The following DPH6 variants were observed in gnomAD, a reference collection of about 807,000 sequenced individuals.
DPH6 encodes the protein diphthamine biosynthesis 6, also known as diphthine--ammonia ligase.
A neutral mutation model predicts 38.2 loss-of-function variants in DPH6; 33 were observed. The observed-to-expected ratio is 0.86, with a 90% CI of 0.65 to 1.15. The LOEUF (loss-of-function observed/expected upper bound fraction) is 1.15, where lower values mean the gene tolerates loss of function less well. Among genes scored for constraint, DPH6 ranks in the 50% most tolerant of loss-of-function variants. The pLI, the probability that DPH6 is intolerant of heterozygous loss-of-function variation, is 0.00. For synonymous variants in DPH6, 108 were observed against 103.0 expected (o/e 1.05, Z -0.30); for missense variants, 325 against 320.0 (o/e 1.02, Z -0.12).
intron 5 of DPH6, among the ~76,000 whole-genome samples, chr15:35,450,034 C>T (rs746621856): frequency 3.9e-5 from 6 of 151,986 alleles, no homozygotes; most frequent in Non-Finnish European, 8.8e-5. Context: ...TCAAACCCTA[C>T]GGTTTCTCAA....
chr15:35,206,217 T>C, the DPH6 span, among the ~76,000 whole-genome samples: 125 of 152,296 alleles, frequency 8.2e-4, no homozygotes, highest in African/African-American at 2.8e-3. Flanking sequence ...AGTGTGAATA[T>C]GATTTTGGAA....
intron 3 of DPH6, among the ~76,000 whole-genome samples, chr15:35,485,192 T>C (rs181454604): frequency 9.9e-5 from 15 of 152,252 alleles, no homozygotes; most frequent in African/African-American, 3.6e-4. Flanking sequence ...AGCTAGTAAA[T>C]AGCAGAGCCA....
chr15:35,231,940 G>A (rs11073088), intron 3 of DPH6, among the ~76,000 whole-genome samples: 3,767 of 152,188 alleles, frequency 0.025, 109 homozygotes, highest in African/African-American at 0.067. Flanking sequence ...ATTCATGAGC[G>A]ATCTGCCCCC....
At chr15:35,186,455 C>A in the DPH6 span, among the ~76,000 whole-genome samples, 1 of 152,148 alleles carries the variant, frequency 6.6e-6, no homozygotes, top group African/African-American at 2.4e-5. Flanking sequence ...TAAGAGGGCT[C>A]TTAACTCATT....
At chr15:35,420,019 G>A (rs1024390994) in intron 5 of DPH6, among the ~76,000 whole-genome samples, 1 of 152,038 alleles carries the variant, frequency 6.6e-6, no homozygotes, top group African/African-American at 2.4e-5. Flanking sequence ...CATTCTCCAG[G>A]AGAGATCATA....
chr15:35,289,538 A>G (rs1479191149), intron 3 of DPH6, among the ~76,000 whole-genome samples: 2 of 152,228 alleles, frequency 1.3e-5, no homozygotes, highest in Admixed American at 6.5e-5. Context: ...ATAAAAAAGG[A>G]TGAAAAGATT....
At chr15:35,426,866 T>TA (rs974135004) in intron 5 of DPH6, among the ~76,000 whole-genome samples, 3,938 of 138,586 alleles carry the variant, frequency 0.028, 71 homozygotes, top group African/African-American at 0.06. Context: ...GTGGATGGTT[T>TA]AAAAAAAAAA....
At chr15:35,240,580 C>T (rs572881284) in intron 3 of DPH6, among the ~76,000 whole-genome samples, 1 of 143,646 alleles carries the variant, frequency 7.0e-6, no homozygotes, top group Non-Finnish European at 1.5e-5. Flanking sequence ...AGCCCTCCCC[C>T]ACCTGCCCAG....
At chr15:35,333,393 A>G (rs1001600438) in intron 3 of DPH6, among the ~76,000 whole-genome samples, 1 of 152,176 alleles carries the variant, frequency 6.6e-6, no homozygotes, top group Non-Finnish European at 1.5e-5. Context: ...TCATATAGCT[A>G]TTATAGGAAG....
At chr15:35,198,800 G>A in the DPH6 span, among the ~76,000 whole-genome samples, 2 of 152,104 alleles carry the variant, frequency 1.3e-5, no homozygotes, top group Admixed American at 6.5e-5. Flanking sequence ...TATAGGTAGC[G>A]TCTTACTATA....
chr15:35,415,848 G>C (rs1237132121), intron 5 of DPH6, among the ~76,000 whole-genome samples: 1 of 151,946 alleles, frequency 6.6e-6, no homozygotes, highest in African/African-American at 2.4e-5. Context: ...AGACATATTA[G>C]AGATCATTTC....
chr15:35,305,566 T>G (rs2052083918), intron 3 of DPH6, among the ~76,000 whole-genome samples: 1 of 152,154 alleles, frequency 6.6e-6, no homozygotes, highest in African/African-American at 2.4e-5. Flanking sequence ...TAAAACCACC[T>G]GTATTAAGTA....
the DPH6 span, among the ~76,000 whole-genome samples, chr15:35,188,053 G>C: frequency 6.6e-6 from 1 of 152,146 alleles, no homozygotes; most frequent in Non-Finnish European, 1.5e-5. Flanking sequence ...GGGCAGGAGA[G>C]GGCATCCCCC....
intron 3 of DPH6, among the ~76,000 whole-genome samples, chr15:35,536,125 A>G (rs1434736766): frequency 6.6e-6 from 1 of 152,012 alleles, no homozygotes; most frequent in African/African-American, 2.4e-5. Context: ...GTAAAGACAA[A>G]CTTGAAAAAT....
Position 35,372,077 on chromosome 15 carries a change from G to C in DPH6, c.*73C>G. ...ATGAGAAAAAAATAAACTAGTCATA[G>C]TAACTGAGAAAATACTATGCAATTT... is the stretch of plus-strand genomic sequence containing the variant. On this transcript the variant is annotated 3_prime_UTR_variant, in exon 9 of 9. Coordinates refer to ENST00000256538, the MANE Select transcript of DPH6 (RefSeq NM_080650.4). 6.8e-7 allele frequency: 1 copy of C among 1,470,286 alleles called. No individual in the cohort carries two copies. Among genetic ancestry groups the C allele is most frequent in the Non-Finnish European group, 9.0e-7 (1 of 1,115,336 alleles). The allele number at this position is 1,470,286 out of a possible 1,614,324, so 91.1% of individuals were successfully genotyped here. A position where few individuals can be genotyped will look rare whatever the true frequency, so the allele number is the denominator to read the frequency against.
At chr15:35,293,785 G>GCAGAATTAAAATGGAA (rs1431966771) in intron 3 of DPH6, among the ~76,000 whole-genome samples, 4 of 152,224 alleles carry the variant, frequency 2.6e-5, no homozygotes, top group African/African-American at 9.6e-5. Flanking sequence ...ATGTAATGGT[G>GCAGAATTAAAATGGAA]TCCCTGACTG....
intron 3 of DPH6, among the ~76,000 whole-genome samples, chr15:35,488,746 A>G (rs2054437541): frequency 6.6e-6 from 1 of 152,240 alleles, no homozygotes; most frequent in Admixed American, 6.5e-5. Flanking sequence ...ATAAGGTTCT[A>G]TGAGGCTATA....
intron 3 of DPH6, among the ~76,000 whole-genome samples, chr15:35,354,458 A>C (rs2052542511): frequency 6.6e-6 from 1 of 152,228 alleles, no homozygotes; most frequent in Admixed American, 6.5e-5. Context: ...ATGTCCCATC[A>C]ATATGAAATT....
chr15:35,422,795 A>G (rs187597892), intron 5 of DPH6, among the ~76,000 whole-genome samples: 51 of 152,020 alleles, frequency 3.4e-4, no homozygotes, highest in South Asian at 1.7e-3. Context: ...GATCACACAT[A>G]TAAGTGATAC....
Sources: gnomAD v4.1 joint callset for allele counts (sites outside exome capture counted in the v4.1 genomes callset) on GRCh38, gnomAD v4.1.1 for gene constraint, MANE v1.5 for transcripts, NCBI Gene and HGNC (gene_info 2026-07-23, HGNC 2026-07-21) for gene names.